AUTS2: variants seen among roughly 807,000 people sequenced by gnomAD.
AUTS2 encodes activator of transcription and developmental regulator AUTS2, also known as autism susceptibility gene 2 protein.
A neutral mutation model predicts 112.4 loss-of-function variants in AUTS2; 17 were observed. The observed-to-expected ratio is 0.15, with a 90% CI of 0.10 to 0.23. The LOEUF is 0.23. Among genes scored for constraint, AUTS2 ranks in the 10% least tolerant of loss-of-function variants. AUTS2 has a pLI of 1.00. For synonymous variants in AUTS2, 751 were observed against 702.7 expected (o/e 1.07, Z -1.09); for missense variants, 1,510 against 1,701.6 (o/e 0.89, Z 1.98).
At chr7:70,618,051 C>G (rs1186806811) in intron 5 of AUTS2, among the ~76,000 whole-genome samples, 4 of 152,192 alleles carry the variant, frequency 2.6e-5, no homozygotes, top group African/African-American at 9.7e-5. Context: ...TTATGAGGAA[C>G]CTTCGAAGGA....
chr7:69,652,346 C>T (rs1407359842), intron 1 of AUTS2, among the ~76,000 whole-genome samples: 1 of 151,608 alleles, frequency 6.6e-6, no homozygotes, highest in African/African-American at 2.4e-5. Flanking sequence ...TTCCCCTTTG[C>T]TTGGTGGCTG....
chr7:69,766,193 A>G (rs1002081563), intron 1 of AUTS2, among the ~76,000 whole-genome samples: 1 of 152,218 alleles, frequency 6.6e-6, no homozygotes, highest in African/African-American at 2.4e-5. Flanking sequence ...TATAACTGGA[A>G]TCATATAGTG....
At chr7:70,323,831 G>A (rs909529361) in intron 4 of AUTS2, among the ~76,000 whole-genome samples, 9 of 152,322 alleles carry the variant, frequency 5.9e-5, no homozygotes, top group African/African-American at 2.2e-4. Context: ...TGGCTACACA[G>A]TGTAATTGAA....
intron 1 of AUTS2, among the ~76,000 whole-genome samples, chr7:69,699,886 C>G: frequency 6.6e-6 from 1 of 152,146 alleles, no homozygotes; most frequent in East Asian, 1.9e-4. Context: ...CTCAAGTGAT[C>G]TGCCCGCCTC....
intron 2 of AUTS2, among the ~76,000 whole-genome samples, chr7:70,000,815 G>T (rs1036689669): frequency 6.6e-6 from 1 of 152,144 alleles, no homozygotes; most frequent in African/African-American, 2.4e-5. Context: ...TTGGGCCATG[G>T]TCTCTCATTT....
rs1478937637 is a variant in AUTS2 at position 70,117,141 on chromosome 7, T to G, written c.523-991T>G. On this transcript the variant is annotated intron_variant, in intron 2 of 18. Coordinates refer to ENST00000342771, the MANE Select transcript of AUTS2 (RefSeq NM_015570.4). Reference sequence around the variant, plus strand: ...TGTTTTTTTTTGTTTTTTTTTGTTTTTTTTTTTGGTGTAGTACCATATCTT... The same window carrying G: ...TGTTTTTTTTTGTTTTTTTTTGTTTGTTTTTTTGGTGTAGTACCATATCTT... Among the ~76,000 whole-genome samples the G allele has an allele frequency of 2.9e-4, 41 of 140,868 alleles. 1 individual carries two copies. The highest frequency in any genetic ancestry group is 1.0e-3 in the African/African-American group (37 of 36,832). The allele number at this position is 140,868 out of a possible 152,430, so 92.4% of individuals were successfully genotyped here.
At chr7:69,909,134 C>T (rs372069103) in intron 2 of AUTS2, among the ~76,000 whole-genome samples, 2 of 152,088 alleles carry the variant, frequency 1.3e-5, no homozygotes, top group Admixed American at 6.5e-5. Flanking sequence ...ACATATCTTG[C>T]GGAAATTAAT....
chr7:69,994,002 G>A (rs556338255), intron 2 of AUTS2, among the ~76,000 whole-genome samples: 2 of 152,278 alleles, frequency 1.3e-5, no homozygotes, highest in South Asian at 4.1e-4. Context: ...TGGGCCCCAA[G>A]AAAGTCTCGC....
At chr7:70,564,167 A>G (rs1423618514) in intron 5 of AUTS2, among the ~76,000 whole-genome samples, 3 of 152,304 alleles carry the variant, frequency 2.0e-5, no homozygotes, top group East Asian at 3.9e-4. Context: ...TGTCAGTTCT[A>G]TTACAATCAT....
chr7:69,951,379 G>A (rs1368478534), intron 2 of AUTS2, among the ~76,000 whole-genome samples: 1 of 151,840 alleles, frequency 6.6e-6, no homozygotes, highest in African/African-American at 2.4e-5. Context: ...TTCTTGTTCT[G>A]ATCAGGATTG....
chr7:69,978,859 AACACACACACACACACAC>A (rs71068004), intron 2 of AUTS2, among the ~76,000 whole-genome samples: 1 of 129,644 alleles, frequency 7.7e-6, no homozygotes, highest in Non-Finnish European at 1.6e-5. Flanking sequence ...TCAAAGAAAC[AACACACACACACACACAC>A]ACACACACAC....
intron 1 of AUTS2, among the ~76,000 whole-genome samples, chr7:69,717,451 G>A (rs925556008): frequency 5.3e-5 from 8 of 152,126 alleles, no homozygotes; most frequent in African/African-American, 1.9e-4. Flanking sequence ...AAACTTTATA[G>A]CATTTCAGCC....
intron 5 of AUTS2, among the ~76,000 whole-genome samples, chr7:70,620,315 T>C (rs1393525322): frequency 6.6e-6 from 1 of 152,206 alleles, no homozygotes; most frequent in African/African-American, 2.4e-5. Context: ...CTGTACTTAC[T>C]GGTGTAGGAA....
intron 6 of AUTS2, among the ~76,000 whole-genome samples, chr7:70,743,947 G>A (rs7806434): frequency 0.65 from 99,267 of 151,896 alleles, 33,519 homozygotes; most frequent in African/African-American, 0.82. Flanking sequence ...GCAGGAAGGG[G>A]TGGTTAAAGT....
At chr7:69,882,234 G>T (rs999627599) in intron 1 of AUTS2, among the ~76,000 whole-genome samples, 2 of 151,634 alleles carry the variant, frequency 1.3e-5, no homozygotes, top group Admixed American at 1.3e-4. Flanking sequence ...CACTTTGGGA[G>T]GCTGAGGTGA....
intron 4 of AUTS2, among the ~76,000 whole-genome samples, chr7:70,272,137 GATGTT>G (rs1400515960): frequency 1.3e-5 from 2 of 151,830 alleles, no homozygotes; most frequent in Non-Finnish European, 2.9e-5. Flanking sequence ...TGACAAGTCT[GATGTT>G]ATGTATGAAA....
intron 4 of AUTS2, among the ~76,000 whole-genome samples, chr7:70,318,830 A>G (rs374259502): frequency 1.6e-4 from 25 of 151,986 alleles, no homozygotes; most frequent in African/African-American, 4.4e-4. Context: ...ACTACCATCA[A>G]CCTCTCAGCA....
chr7:70,647,991 A>G (rs1364371869), intron 5 of AUTS2, among the ~76,000 whole-genome samples: 2 of 152,268 alleles, frequency 1.3e-5, no homozygotes, highest in Admixed American at 6.5e-5. Context: ...TAGTGGTAGG[A>G]GACTGGAAAT....
At position 69,614,132 on chromosome 7, in the gene AUTS2, C is replaced by T. The variant is rs192474794; in HGVS notation, c.309+14170C>T. On this transcript the variant is annotated intron_variant, in intron 1 of 18. Coordinates refer to ENST00000342771, the MANE Select transcript of AUTS2 (RefSeq NM_015570.4). ...CCCTCGGCTAAGATGGGCCTCCTCA[C>T]AGGTCATTCTCTGGGACTTCACGAT... is the stretch of plus-strand genomic sequence containing the variant. Among the ~76,000 whole-genome samples, 560 of 152,226 alleles carry T rather than the reference C, an allele frequency of 3.7e-3. 6 individuals carry two copies. The highest frequency in any genetic ancestry group is 2.9e-3 in the Non-Finnish European group (200 of 68,018).
Sources: allele counts gnomAD v4.1 joint callset (sites outside exome capture counted in the v4.1 genomes callset), GRCh38; gene constraint gnomAD v4.1.1; transcripts MANE v1.5; gene names NCBI Gene and HGNC (gene_info 2026-07-23, HGNC 2026-07-21).